The following AMZ1 variants were observed in gnomAD, a reference collection of about 807,000 sequenced individuals.
The protein encoded by AMZ1 is archaelysin family metallopeptidase 1.
Under a neutral mutation model 29.9 loss-of-function variants are expected in AMZ1, and 39 were observed. The observed-to-expected ratio is 1.30, with a 90% confidence interval of 1.01 to 1.70. AMZ1 has a LOEUF of 1.70. AMZ1 is among the 40% of genes most tolerant of loss of function. AMZ1 has a pLI of 0.00. For missense variants in AMZ1, 1,041 were observed against 680.6 expected, an observed-to-expected ratio of 1.53 and a Z score of -5.89; for synonymous variants, 458 against 304.0, an observed-to-expected ratio of 1.51 and a Z score of -5.27.
At chr7:2,737,577 C>A (rs1156892688) in intron 4 of AMZ1, among the ~76,000 whole-genome samples, 1 of 152,156 alleles carries the variant, frequency 6.6e-6, no homozygotes, top group Non-Finnish European at 1.5e-5. Flanking sequence ...GCGTGAGCCA[C>A]AGCGCCCGGC....
At chr7:2,733,542 A>C in intron 4 of AMZ1, 1 of 1,520,292 alleles carries the variant, frequency 6.6e-7, no homozygotes, top group Non-Finnish European at 9.1e-7. Context: ...GTCTGGACTG[A>C]GGAATCCTGA....
chr7:2,692,281 C>T (rs915555073), intron 1 of AMZ1, among the ~76,000 whole-genome samples: 14 of 152,122 alleles, frequency 9.2e-5, no homozygotes, highest in Non-Finnish European at 1.8e-4. Flanking sequence ...TGGCTCACGC[C>T]TGTAATCCCA....
chr7:2,736,739 C>A (rs76531090), intron 4 of AMZ1, among the ~76,000 whole-genome samples: 1,621 of 152,366 alleles, frequency 0.011, 12 homozygotes, highest in Non-Finnish European at 0.016. Flanking sequence ...GAGAAAGACA[C>A]ACGCTCGGCT....
intron 1 of AMZ1, among the ~76,000 whole-genome samples, chr7:2,689,380 A>ATGCGGACGTGCTCTTT (rs1787253145): frequency 7.6e-6 from 1 of 132,212 alleles, no homozygotes; most frequent in Admixed American, 7.9e-5. Context: ...TGGGGGGGGG[A>ATGCGGACGTGCTCTTT]TGCGGACGTG....
intron 6 of AMZ1, 114 bp downstream of exon 6, chr7:2,709,930 C>A: frequency 1.4e-6 from 2 of 1,444,184 alleles, no homozygotes; most frequent in East Asian, 2.5e-5. Flanking sequence ...TGTCAACTGC[C>A]GGGTTCCAGG....
Position 2,700,488 on chromosome 7 carries a change from G to A in AMZ1, c.37G>A (p.Gly13Arg), listed in dbSNP as rs764658622. 58 of 1,603,910 alleles carry A rather than the reference G, an allele frequency of 3.6e-5. No homozygotes were observed. The highest frequency in any genetic ancestry group is 3.7e-5 in the Non-Finnish European group (44 of 1,179,844). Residue 13 changes from glycine to arginine, a missense_variant, in exon 2 of 7, where the codon GGG becomes AGG. Coordinates refer to ENST00000683327, the MANE Select transcript of AMZ1 (RefSeq NM_001384743.1). ...TAGACCCGCACAGGAGTTCAGCTTCGGGCCCCGGGCCTTGAAGGACGCTCT... is the reference window on the plus strand; with the variant it reads ...TAGACCCGCACAGGAGTTCAGCTTCAGGCCCCGGGCCTTGAAGGACGCTCT... ...QCRPAQEFSF[G>R]PRALKDALVS...
chr7:2,729,110 C>T (rs778892118), intron 4 of AMZ1: 4 of 152,412 alleles, frequency 2.6e-5, no homozygotes, highest in Admixed American at 1.3e-4. Flanking sequence ...CCCTGCTACG[C>T]GAATCACAGC....
At chr7:2,708,521 G>T in intron 3 of AMZ1, 67 bp from the exon 4 acceptor site, 2 of 1,598,328 alleles carry the variant, frequency 1.3e-6, no homozygotes, top group Non-Finnish European at 1.7e-6. Context: ...CGGGGTGCCA[G>T]CCTGAGCCTG....
At chr7:2,709,850 G>T (rs1405756932) in intron 6 of AMZ1, 34 bp downstream of exon 6, 1 of 1,605,516 alleles carries the variant, frequency 6.2e-7, no homozygotes, top group Non-Finnish European at 8.5e-7. Flanking sequence ...CGGCTGCTGG[G>T]ACCTGCGCTC....
At chr7:2,686,716 C>T (rs1367002489), upstream of AMZ1, among the ~76,000 whole-genome samples, 2 of 151,654 alleles carry the variant, frequency 1.3e-5, no homozygotes, top group African/African-American at 4.8e-5. Context: ...GTTTTTCTCT[C>T]TCTCTCTTTT....
intron 4 of AMZ1, among the ~76,000 whole-genome samples, chr7:2,735,032 A>G (rs1362440787): frequency 1.3e-5 from 2 of 152,182 alleles, no homozygotes; most frequent in Admixed American, 6.5e-5. Flanking sequence ...TGGCTGTGCC[A>G]AGTCCCCCCG....
intron 4 of AMZ1, among the ~76,000 whole-genome samples, chr7:2,726,642 T>C (rs1021742403): frequency 1.3e-5 from 2 of 152,164 alleles, no homozygotes; most frequent in African/African-American, 4.8e-5. Context: ...TTCCCACTTG[T>C]GGTCAGTTCA....
chr7:2,751,776 T>C (rs1027464419), intron 4 of AMZ1, among the ~76,000 whole-genome samples: 4 of 152,140 alleles, frequency 2.6e-5, no homozygotes, highest in South Asian at 2.1e-4. Context: ...AATGGACAAA[T>C]TGCTTTAAAA....
At chr7:2,750,894 G>A (rs569758938) in intron 4 of AMZ1, among the ~76,000 whole-genome samples, 92 of 152,296 alleles carry the variant, frequency 6.0e-4, no homozygotes, top group Non-Finnish European at 1.1e-3. Flanking sequence ...ATGAGGGTGC[G>A]AATGGAAAGG....
In AMZ1 at chr7:2,746,108, C is replaced by G. The variant is rs1790750224; in HGVS notation, n.551-18604C>G. 3.3e-5 allele frequency among the ~76,000 whole-genome samples: 5 copies of G among 152,274 alleles called. No homozygotes were observed. In the South Asian group the frequency reaches 1.0e-3, roughly 32 times the overall value. ...ACCCCACTGTCAACATTAGACAGATCAACGAGACAGAAAGTTAACAAGGAT... is the reference window on the plus strand; with the variant it reads ...ACCCCACTGTCAACATTAGACAGATGAACGAGACAGAAAGTTAACAAGGAT... On this transcript the variant is annotated intron_variant and non_coding_transcript_variant, in intron 4 of 4. Coordinates refer to the AMZ1 transcript ENST00000489665.
intron 1 of AMZ1, among the ~76,000 whole-genome samples, chr7:2,693,269 G>C (rs1341303165): frequency 6.6e-6 from 1 of 151,730 alleles, no homozygotes; most frequent in African/African-American, 2.4e-5. Context: ...TGTATTTTTA[G>C]GAGAGATGGG....
chr7:2,721,475 G>A (rs1789417601), downstream of AMZ1, among the ~76,000 whole-genome samples: 2 of 152,188 alleles, frequency 1.3e-5, no homozygotes, highest in South Asian at 4.1e-4. Flanking sequence ...CCAGCACTTT[G>A]GGAGGCTGAG....
At chr7:2,739,392 T>C (rs2115320306) in intron 4 of AMZ1, among the ~76,000 whole-genome samples, 1 of 152,326 alleles carries the variant, frequency 6.6e-6, no homozygotes, top group South Asian at 2.1e-4. Flanking sequence ...TGCAGCCCTT[T>C]GTGTCTGGTT....
chr7:2,754,922 G>A (rs1054761942), intron 4 of AMZ1, among the ~76,000 whole-genome samples: 3 of 152,164 alleles, frequency 2.0e-5, no homozygotes, highest in Non-Finnish European at 4.4e-5. Flanking sequence ...AGAGTTCTGC[G>A]CTTTACACTG....
Sources: allele counts gnomAD v4.1 joint callset (sites outside exome capture counted in the v4.1 genomes callset), GRCh38; gene constraint gnomAD v4.1.1; transcripts MANE v1.5; gene names NCBI Gene and HGNC (gene_info 2026-07-23, HGNC 2026-07-21).